Variants in B3GALT1 observed in about 807,000 individuals in gnomAD.
B3GALT1 encodes UDP-Gal:betaGlcNAc beta 1,3-galactosyltransferase, polypeptide 1.
A neutral mutation model predicts 23.2 loss-of-function variants in B3GALT1; 10 were observed. That is an observed-to-expected ratio of 0.43 (90% CI 0.27 to 0.73). The LOEUF (loss-of-function observed/expected upper bound fraction) is 0.73. Ranked by LOEUF, B3GALT1 falls within the 30% of genes least tolerant of loss-of-function variation. B3GALT1 has a pLI of 0.21. For synonymous variants in B3GALT1, 156 were observed against 141.5 expected (o/e 1.10, Z -0.73); for missense variants, 299 against 405.4 (o/e 0.74, Z 2.25).
At chr2:167,752,031 A>G (rs1176894086) in intron 3 of B3GALT1, among the ~76,000 whole-genome samples, 1 of 152,144 alleles carries the variant, frequency 6.6e-6, no homozygotes, top group Admixed American at 6.5e-5. Context: ...ATAACACTGC[A>G]TTGTTCCAGG....
intron 2 of B3GALT1, among the ~76,000 whole-genome samples, chr2:167,538,993 TA>T (rs1477661151): frequency 2.0e-5 from 3 of 152,192 alleles, no homozygotes; most frequent in Non-Finnish European, 4.4e-5. Context: ...GTTACTTGTA[TA>T]AAAAATTCAA....
intron 3 of B3GALT1, among the ~76,000 whole-genome samples, chr2:167,666,674 T>C (rs1686196463): frequency 6.6e-6 from 1 of 152,212 alleles, no homozygotes; most frequent in Admixed American, 6.5e-5. Flanking sequence ...TTAGCTCTTC[T>C]TGTGGAATTG....
chr2:167,436,152 C>T (rs1698784167), intron 1 of B3GALT1, among the ~76,000 whole-genome samples: 1 of 152,100 alleles, frequency 6.6e-6, no homozygotes, highest in Admixed American at 6.6e-5. Context: ...CTGCTCAAAA[C>T]CTTTATTTCG....
rs149847876 is a variant in B3GALT1, at chr2:167,649,750, G to C, written c.-352+2784G>C. Among the ~76,000 whole-genome samples the C allele has an allele frequency of 1.2e-3, 188 of 151,964 alleles. 1 individual carries two copies. The highest frequency in any genetic ancestry group is 6.4e-3 in the South Asian group (31 of 4,826). On this transcript the variant is annotated intron_variant, in intron 3 of 4. Coordinates refer to ENST00000392690, the MANE Select transcript of B3GALT1 (RefSeq NM_020981.4). ...TTTATACTGAAATACAATTGTTTTT[G>C]TATGTTGATCTTGTGTCCTACAAGT...
At chr2:167,442,799 C>T (rs868489172) in intron 1 of B3GALT1, among the ~76,000 whole-genome samples, 34 of 146,400 alleles carry the variant, frequency 2.3e-4, no homozygotes, top group East Asian at 7.8e-4. Flanking sequence ...GAGTAGGTTG[C>T]GAAAATTTTC....
intron 2 of B3GALT1, among the ~76,000 whole-genome samples, chr2:167,616,694 CAATAAATA>C (rs547824482): frequency 2.0e-5 from 3 of 151,582 alleles, no homozygotes; most frequent in East Asian, 3.9e-4. Context: ...GACCCTGTCT[CAATAAATA>C]AATAAATAAA....
chr2:167,506,149 A>G (rs1180935889), intron 2 of B3GALT1, among the ~76,000 whole-genome samples: 1 of 152,180 alleles, frequency 6.6e-6, no homozygotes, highest in East Asian at 1.9e-4. Flanking sequence ...AAGCAAATGT[A>G]GATTCTCCCT....
intron 2 of B3GALT1, among the ~76,000 whole-genome samples, chr2:167,553,713 T>C (rs1222574787): frequency 6.6e-6 from 1 of 152,174 alleles, no homozygotes; most frequent in African/African-American, 2.4e-5. Flanking sequence ...TTCTTAGTGA[T>C]AGAAACAAAA....
At chr2:167,859,566 T>C (rs1690060492) in intron 4 of B3GALT1, among the ~76,000 whole-genome samples, 1 of 152,096 alleles carries the variant, frequency 6.6e-6, no homozygotes, top group Admixed American at 6.6e-5. Flanking sequence ...CAGGGATTTA[T>C]AAAGACCTTT....
intron 1 of B3GALT1, among the ~76,000 whole-genome samples, chr2:167,481,159 G>A (rs1373289438): frequency 6.6e-6 from 1 of 152,074 alleles, no homozygotes; most frequent in Non-Finnish European, 1.5e-5. Context: ...GTGCATCTTT[G>A]TTCTCTCTGA....
chr2:167,496,228 T>G (rs1327144173), intron 2 of B3GALT1, among the ~76,000 whole-genome samples: 2 of 152,176 alleles, frequency 1.3e-5, no homozygotes, highest in African/African-American at 4.8e-5. Context: ...TTGGCTAAAG[T>G]TGACTGGGGA....
intron 1 of B3GALT1, among the ~76,000 whole-genome samples, chr2:167,426,149 G>T (rs1398595492): frequency 6.6e-6 from 1 of 152,104 alleles, no homozygotes; most frequent in African/African-American, 2.4e-5. Context: ...TTATTACCAG[G>T]ATGATACATT....
intron 1 of B3GALT1, among the ~76,000 whole-genome samples, chr2:167,381,444 G>C (rs1697847298): frequency 6.6e-6 from 1 of 152,080 alleles, no homozygotes; most frequent in African/African-American, 2.4e-5. Flanking sequence ...TTTCAATCTT[G>C]GTTGCATGTT....
chr2:167,645,325 A>G (rs1246388179), intron 2 of B3GALT1, among the ~76,000 whole-genome samples: 1 of 152,204 alleles, frequency 6.6e-6, no homozygotes, highest in Non-Finnish European at 1.5e-5. Context: ...TCTTGGCAAT[A>G]TTAAATTCTT....
At chr2:167,855,065 G>A (rs1689973424) in intron 4 of B3GALT1, among the ~76,000 whole-genome samples, 1 of 152,066 alleles carries the variant, frequency 6.6e-6, no homozygotes, top group East Asian at 1.9e-4. Context: ...CAGTGAATGG[G>A]GATGAATTCT....
In B3GALT1 at chr2:167,481,712, A is replaced by T. The variant is rs1318231134; in HGVS notation, c.-510-8465A>T. 2.0e-5 allele frequency among the ~76,000 whole-genome samples: 3 copies of T among 152,248 alleles called. No individual in the cohort carries two copies. The East Asian group carries it at 5.8e-4, about 29-fold the overall frequency. On this transcript the variant is annotated intron_variant, in intron 1 of 4. Transcript: ENST00000392690. ...AAATGAACATCATTTTTCAAACAGT[A>T]ACAGCCTCCCAAAGCTTGCCTTTCC...
chr2:167,309,619 T>G (rs1159512898), intron 1 of B3GALT1, among the ~76,000 whole-genome samples: 1 of 152,054 alleles, frequency 6.6e-6, no homozygotes, highest in Non-Finnish European at 1.5e-5. Flanking sequence ...AGCATCTGTA[T>G]TCTCTTTTGC....
intron 3 of B3GALT1, among the ~76,000 whole-genome samples, chr2:167,805,600 C>A (rs1239274539): frequency 1.3e-5 from 2 of 152,184 alleles, no homozygotes; most frequent in Non-Finnish European, 2.9e-5. Flanking sequence ...TTCCCCATTT[C>A]TCATTTTTGT....
At chr2:167,347,071 G>C (rs1697232362) in intron 1 of B3GALT1, among the ~76,000 whole-genome samples, 5 of 152,030 alleles carry the variant, frequency 3.3e-5, no homozygotes, top group Admixed American at 3.3e-4. Flanking sequence ...TCTCTCTGTA[G>C]TTATCACCAA....
Sources: allele counts gnomAD v4.1 joint callset (sites outside exome capture counted in the v4.1 genomes callset), GRCh38; gene constraint gnomAD v4.1.1; transcripts MANE v1.5; gene names NCBI Gene and HGNC (gene_info 2026-07-23, HGNC 2026-07-21).